METTL22: variants seen among roughly 807,000 people sequenced by gnomAD.
The protein encoded by METTL22 is methyltransferase 22, Kin17 lysine, also known as methyltransferase-like protein 22.
Under a neutral mutation model 48.4 loss-of-function variants are expected in METTL22, and 51 were observed. The observed-to-expected ratio is 1.05, with a 90% CI of 0.84 to 1.33. METTL22 has a LOEUF of 1.33. Ranked by LOEUF, METTL22 falls within the 40% of genes most tolerant of loss-of-function variation. The probability of loss-of-function intolerance (pLI) is 0.00; values close to 1 mark genes in which losing one functional copy is unlikely to be tolerated. For missense variants in METTL22, 678 were observed against 526.9 expected, an observed-to-expected ratio of 1.29 and a Z score of -2.81; for synonymous variants, 255 against 214.1, an observed-to-expected ratio of 1.19 and a Z score of -1.67.
intron 3 of METTL22, among the ~76,000 whole-genome samples, chr16:8,633,496 C>A (rs1456060956): frequency 1.3e-5 from 2 of 152,192 alleles, no homozygotes; most frequent in East Asian, 3.9e-4. Flanking sequence ...GCCCCAGCTA[C>A]TCGAGAGGCT....
At chr16:8,642,062 C>T in intron 7 of METTL22, 65 bp from the exon 8 acceptor site, 11 of 1,288,716 alleles carry the variant, frequency 8.5e-6, no homozygotes, top group Non-Finnish European at 1.2e-5. Flanking sequence ...TTGGTCAGTC[C>T]CAGTGAGAGT....
At chr16:8,638,822 T>C (rs1362344) in intron 5 of METTL22, among the ~76,000 whole-genome samples, 150,384 of 152,292 alleles carry the variant, frequency 0.99, 74,285 homozygotes, top group Middle Eastern at 1. Context: ...GTGTTGCATG[T>C]GCTCGGATGA....
At chr16:8,643,297 C>T (rs1211731170) in intron 9 of METTL22, among the ~76,000 whole-genome samples, 1 of 152,232 alleles carries the variant, frequency 6.6e-6, no homozygotes, top group African/African-American at 2.4e-5. Context: ...GAGGCACACA[C>T]TGAGCAATAG....
rs1039580962 is a variant in METTL22, at chr16:8,648,811, C to T, written c.*2668C>T. 1 of 152,248 alleles carries T rather than the reference C, an allele frequency of 6.6e-6. No homozygotes were observed. The highest frequency in any genetic ancestry group is 1.9e-4 in the East Asian group (1 of 5,192). 9.4% of individuals were successfully genotyped at this position (152,248 alleles called of 1,614,324 possible). ...CCAAAAAAGAAGAAAAGTATCAAGC[C>T]TCAGCTCAGGACGTGATTCCGAATC... On this transcript the variant is annotated 3_prime_UTR_variant, in exon 11 of 11. Coordinates refer to ENST00000381920, the MANE Select transcript of METTL22 (RefSeq NM_024109.4).
rs1158174419 is a variant in METTL22, at chr16:8,642,256, G to A, written c.907+49G>A. On this transcript the variant is annotated intron_variant, in intron 8 of 10. Coordinates refer to ENST00000381920, the MANE Select transcript of METTL22 (RefSeq NM_024109.4). ...TACACGTCCTTTGTTGTAGCATGAA[G>A]TCAAGTGCAGTCTCTCCTCACTTCC... 3.3e-6 allele frequency: 5 copies of A among 1,502,100 alleles called. No individual in the cohort carries two copies. In the South Asian group the frequency reaches 5.6e-5, roughly 17 times the overall value. The allele number at this position is 1,502,100 out of a possible 1,614,324, so 93.0% of individuals were successfully genotyped here.
At chr16:8,627,478 C>T (rs931626507) in intron 2 of METTL22, among the ~76,000 whole-genome samples, 30 of 152,166 alleles carry the variant, frequency 2.0e-4, no homozygotes, top group Admixed American at 7.9e-4. Context: ...CCTGGCCACC[C>T]TCCCTAACCC....
Position 8,625,623 on chromosome 16 carries a change from C to G in METTL22, c.-43C>G, listed in dbSNP as rs1327537531. On this transcript the variant is annotated 5_prime_UTR_variant, in exon 2 of 11. Coordinates refer to ENST00000381920, the MANE Select transcript of METTL22 (RefSeq NM_024109.4). ...TGCCATGCTGAGGACCCATTCTCAC[C>G]TCTGAGGGACTCCTGTCCTAGGACT... 3.7e-5 allele frequency: 60 copies of G among 1,611,236 alleles called. No individual in the cohort carries two copies. The highest frequency in any genetic ancestry group is 4.9e-5 in the Non-Finnish European group (58 of 1,178,684).
chr16:8,648,745 C>G lies in METTL22; in HGVS notation c.*2602C>G, dbSNP rs573419795. 1.2e-4 allele frequency: 19 copies of G among 152,248 alleles called. No individual in the cohort carries two copies. Among genetic ancestry groups the G allele is most frequent in the Admixed American group, 1.2e-3 (18 of 15,282 alleles). 9.4% of individuals were successfully genotyped at this position (152,248 alleles called of 1,614,324 possible). ...GAGGCTGCAGTGAGCCATGACTGCACCATTGCACTCTGGCCTGGGCAACAG... is the reference window on the plus strand; with the variant it reads ...GAGGCTGCAGTGAGCCATGACTGCAGCATTGCACTCTGGCCTGGGCAACAG... On this transcript the variant is annotated 3_prime_UTR_variant, in exon 11 of 11. Transcript: ENST00000381920.
chr16:8,647,004 G>T lies in METTL22; in HGVS notation c.*861G>T, dbSNP rs2056815629. On this transcript the variant is annotated 3_prime_UTR_variant, in exon 11 of 11. Coordinates refer to ENST00000381920, the MANE Select transcript of METTL22 (RefSeq NM_024109.4). ...TTGGTCCCATCTTCCTGCTACCCTTGGCCCTCCCTGCAGCCCCTTTCCCCT... is the reference window on the plus strand; with the variant it reads ...TTGGTCCCATCTTCCTGCTACCCTTTGCCCTCCCTGCAGCCCCTTTCCCCT... 3.1e-6 allele frequency: 1 copy of T among 318,760 alleles called. No individual in the cohort carries two copies. Among genetic ancestry groups the T allele is most frequent in the Admixed American group, 4.4e-5 (1 of 22,772 alleles). 19.7% of individuals were successfully genotyped at this position (318,760 alleles called of 1,614,324 possible).
chr16:8,642,548 A>G lies in METTL22; in HGVS notation c.993A>G (p.Ile331Met). ...GATTGAAAAATGCCTGCACAGCCATACTGTCGGTGGAGAAGAGGTGAGCTT... is the reference window on the plus strand; with the variant it reads ...GATTGAAAAATGCCTGCACAGCCATGCTGTCGGTGGAGAAGAGGTGAGCTT... Reference protein sequence around the residue: ...AHRLKNACTAILSVEKRLNFT... With the variant: ...AHRLKNACTAMLSVEKRLNFT... The change falls in exon 9 of 11, where the codon ATA (isoleucine) becomes ATG (methionine). Residue 331 changes from isoleucine (I) to methionine (M), a missense_variant. By Grantham distance (10) the Ile-to-Met change is conservative (BLOSUM62 1). Coordinates refer to ENST00000381920, the MANE Select transcript of METTL22 (RefSeq NM_024109.4). 4 of 1,614,188 alleles carry G rather than the reference A, an allele frequency of 2.5e-6. No individual in the cohort carries two copies. The South Asian group carries it at 4.4e-5, about 18-fold the overall frequency.
At position 8,646,197 on chromosome 16, in the gene METTL22, G is replaced by A; in HGVS notation, c.*54G>A. On this transcript the variant is annotated 3_prime_UTR_variant, in exon 11 of 11. Coordinates refer to ENST00000381920, the MANE Select transcript of METTL22 (RefSeq NM_024109.4). ...CGACTGTTCTTAGAGTGTATTTCTA[G>A]TAAAATCAGAAGCTCACCAAAGCAA... 1 of 1,603,758 alleles carries A rather than the reference G, an allele frequency of 6.2e-7. No individual in the cohort carries two copies. The highest frequency in any genetic ancestry group is 8.5e-7 in the Non-Finnish European group (1 of 1,171,322).
intron 9 of METTL22, 92 bp from the exon 10 acceptor site, chr16:8,644,457 ATATGAGAT>A: frequency 8.3e-7 from 1 of 1,204,486 alleles, no homozygotes; most frequent in Non-Finnish European, 1.2e-6. Flanking sequence ...CGTCCAGGGG[ATATGAGAT>A]CAGTGAGGGA....
intron 5 of METTL22, among the ~76,000 whole-genome samples, chr16:8,636,309 C>G (rs1463337568): frequency 6.6e-6 from 1 of 152,100 alleles, no homozygotes; most frequent in African/African-American, 2.4e-5. Flanking sequence ...CTGAGGCAGG[C>G]AGATCACCTG....
At chr16:8,640,420 A>C (rs2056560327) in intron 6 of METTL22, among the ~76,000 whole-genome samples, 1 of 151,792 alleles carries the variant, frequency 6.6e-6, no homozygotes, top group Non-Finnish European at 1.5e-5. Context: ...CATGACTCTT[A>C]AATCTTTATT....
chr16:8,634,310 A>G (rs1489021769), intron 3 of METTL22, among the ~76,000 whole-genome samples: 2 of 152,188 alleles, frequency 1.3e-5, no homozygotes, highest in African/African-American at 4.8e-5. Flanking sequence ...TCTCACTTAA[A>G]AATACTTGAG....
the METTL22 span, among the ~76,000 whole-genome samples, chr16:8,660,797 GA>G: frequency 2.1e-4 from 1 of 4,670 alleles, no homozygotes; most frequent in African/African-American, 4.8e-4. Flanking sequence ...GGAGGAGGAG[GA>G]GGAGGAGGAG....
intron 9 of METTL22, 111 bp downstream of exon 9, chr16:8,642,676 T>C (rs1443002179): frequency 5.0e-6 from 5 of 998,726 alleles, no homozygotes; most frequent in African/African-American, 1.6e-5. Context: ...GTGCCACTTA[T>C]TGAGCACCTA....
chr16:8,642,757 A>G lies in METTL22; in HGVS notation c.1010+192A>G, dbSNP rs748762039. 3 of 632,922 alleles carry G rather than the reference A, an allele frequency of 4.7e-6. No individual in the cohort carries two copies. In the African/African-American group the frequency reaches 5.4e-5, roughly 11 times the overall value. 39.2% of individuals were successfully genotyped at this position (632,922 alleles called of 1,614,324 possible). A position where few individuals can be genotyped will look rare whatever the true frequency, so the allele number is the denominator to read the frequency against. On this transcript the variant is annotated intron_variant, in intron 9 of 10. Coordinates refer to ENST00000381920, the MANE Select transcript of METTL22 (RefSeq NM_024109.4). ...GAATCTGCATCCTAGCCCTGTGTGC[A>G]GGCGCTGCTGTCCCACTTGACTGAT...
At chr16:8,630,308 A>G (rs1370362690) in intron 3 of METTL22, among the ~76,000 whole-genome samples, 2 of 152,202 alleles carry the variant, frequency 1.3e-5, no homozygotes, top group Admixed American at 1.3e-4. Flanking sequence ...CATGTATCCC[A>G]TGGGTGACCT....
Sources: gnomAD v4.1 joint callset for allele counts (sites outside exome capture counted in the v4.1 genomes callset) on GRCh38, gnomAD v4.1.1 for gene constraint, MANE v1.5 for transcripts, NCBI Gene and HGNC (gene_info 2026-07-23, HGNC 2026-07-21) for gene names.